SNTB1: variants seen among roughly 807,000 people sequenced by gnomAD.
The protein encoded by SNTB1 is beta-1-syntrophin.
In SNTB1, 36 loss-of-function variants were observed where a neutral mutation model predicts 48.9. The observed-to-expected ratio is 0.74, with a 90% CI of 0.56 to 0.97. SNTB1 has a LOEUF of 0.97. Ranked by LOEUF, SNTB1 falls within the 50% of genes least tolerant of loss-of-function variation. SNTB1 has a pLI of 0.00. For synonymous variants in SNTB1, 299 were observed against 294.6 expected (o/e 1.01, Z -0.15); for missense variants, 786 against 703.4 (o/e 1.12, Z -1.33).
intron 1 of SNTB1, among the ~76,000 whole-genome samples, chr8:120,706,758 G>A (rs556461672): frequency 2.0e-5 from 3 of 152,238 alleles, no homozygotes; most frequent in Admixed American, 1.3e-4. Context: ...GGTATCTCTG[G>A]AAGATAAAAC....
chr8:120,650,302 T>A (rs368305640), intron 2 of SNTB1, among the ~76,000 whole-genome samples: 1 of 152,146 alleles, frequency 6.6e-6, no homozygotes, highest in South Asian at 2.1e-4. Context: ...AATGAGCCTC[T>A]CACTGACAAC....
At chr8:120,614,976 T>TAAAAA (rs61318757) in intron 3 of SNTB1, among the ~76,000 whole-genome samples, 3,994 of 73,154 alleles carry the variant, frequency 0.055, 440 homozygotes, top group African/African-American at 0.18. Flanking sequence ...TCACCTCTAC[T>TAAAAA]AAAAAAAAAA....
At chr8:120,580,274 C>T (rs7815260) in intron 3 of SNTB1, among the ~76,000 whole-genome samples, 31,383 of 152,024 alleles carry the variant, frequency 0.21, 4,274 homozygotes, top group East Asian at 0.44. Context: ...GCAGGAAGAG[C>T]TCACAGTCTT....
chr8:120,689,281 C>G (rs1006855349), intron 2 of SNTB1, among the ~76,000 whole-genome samples: 1 of 152,168 alleles, frequency 6.6e-6, no homozygotes, highest in Non-Finnish European at 1.5e-5. Context: ...CATTGGTTCT[C>G]AGGTTTTAGC....
chr8:120,773,187 A>G (rs1819670870), intron 1 of SNTB1, among the ~76,000 whole-genome samples: 1 of 152,190 alleles, frequency 6.6e-6, no homozygotes, highest in African/African-American at 2.4e-5. Flanking sequence ...ATATGGAGGA[A>G]ATCTTCTTAG....
intron 2 of SNTB1, among the ~76,000 whole-genome samples, chr8:120,654,439 A>C (rs1817465776): frequency 6.6e-6 from 1 of 152,160 alleles, no homozygotes; most frequent in African/African-American, 2.4e-5. Context: ...TCTGTAGTTC[A>C]GCGATAAAGT....
intron 1 of SNTB1, among the ~76,000 whole-genome samples, chr8:120,803,365 T>C (rs963728687): frequency 6.6e-6 from 1 of 152,196 alleles, no homozygotes; most frequent in African/African-American, 2.4e-5. Flanking sequence ...GTCTTAAGTC[T>C]TAACTCTGCA....
intron 1 of SNTB1, among the ~76,000 whole-genome samples, chr8:120,801,328 A>G (rs1820222377): frequency 2.6e-5 from 4 of 152,052 alleles, no homozygotes; most frequent in African/African-American, 9.7e-5. Context: ...GAAACATTCC[A>G]TTCAATTTCA....
At chr8:120,571,142 A>G (rs1815835357) in intron 4 of SNTB1, 1 of 1,129,972 alleles carries the variant, frequency 8.8e-7, no homozygotes, top group Non-Finnish European at 1.1e-6. Context: ...ATGCCCAGAA[A>G]CTGTGAGAAC....
At chr8:120,683,647 T>C (rs1817977081) in intron 2 of SNTB1, among the ~76,000 whole-genome samples, 2 of 152,054 alleles carry the variant, frequency 1.3e-5, no homozygotes, top group South Asian at 2.1e-4. Context: ...AACCCATGAG[T>C]TGGGAAAATG....
chr8:120,603,606 T>C (rs1388277994), intron 3 of SNTB1, among the ~76,000 whole-genome samples: 2 of 152,148 alleles, frequency 1.3e-5, no homozygotes, highest in African/African-American at 2.4e-5. Flanking sequence ...AGTCCAGCAA[T>C]CTATGTTCCA....
intron 1 of SNTB1, among the ~76,000 whole-genome samples, chr8:120,772,412 A>C (rs1428337527): frequency 6.6e-6 from 1 of 151,140 alleles, no homozygotes; most frequent in African/African-American, 2.4e-5. Flanking sequence ...CACCCAGCTA[A>C]TTATTTCTAT....
intron 2 of SNTB1, among the ~76,000 whole-genome samples, chr8:120,641,192 T>C (rs1017473248): frequency 6.6e-6 from 1 of 152,228 alleles, no homozygotes; most frequent in Admixed American, 6.5e-5. Context: ...AAGTTCTCAC[T>C]GTTCAGTAAA....
chr8:120,658,909 G>A (rs907806728), intron 2 of SNTB1, among the ~76,000 whole-genome samples: 1 of 151,690 alleles, frequency 6.6e-6, no homozygotes, highest in African/African-American at 2.4e-5. Flanking sequence ...CAAAATTGGA[G>A]TCAATCCTCT....
intron 1 of SNTB1, among the ~76,000 whole-genome samples, chr8:120,732,690 CA>C (rs1818871599): frequency 6.6e-6 from 1 of 152,074 alleles, no homozygotes. Context: ...ATTAAACGTA[CA>C]AAAATTTAGC....
intron 1 of SNTB1, among the ~76,000 whole-genome samples, chr8:120,700,451 T>C (rs1402743140): frequency 6.6e-6 from 1 of 152,208 alleles, no homozygotes; most frequent in Non-Finnish European, 1.5e-5. Flanking sequence ...GAAACTGATT[T>C]GAAGCAGCCA....
chr8:120,545,162 G>A (rs1039493272), intron 5 of SNTB1, among the ~76,000 whole-genome samples: 1 of 152,024 alleles, frequency 6.6e-6, no homozygotes, highest in Admixed American at 6.6e-5. Flanking sequence ...TGACCAACAC[G>A]GTGAAACCCC....
intron 1 of SNTB1, among the ~76,000 whole-genome samples, chr8:120,717,230 C>A (rs1324684347): frequency 1.3e-5 from 2 of 152,316 alleles, no homozygotes; most frequent in Admixed American, 1.3e-4. Context: ...AATGGAAATG[C>A]AGCTTAATGT....
At chr8:120,780,577 C>G (rs957267517) in intron 1 of SNTB1, among the ~76,000 whole-genome samples, 4 of 152,178 alleles carry the variant, frequency 2.6e-5, no homozygotes, top group Admixed American at 6.5e-5. Flanking sequence ...CCAGAAAAAT[C>G]TGAATTGCAG....
Sources: allele counts gnomAD v4.1 joint callset (sites outside exome capture counted in the v4.1 genomes callset), GRCh38; gene constraint gnomAD v4.1.1; transcripts MANE v1.5; gene names NCBI Gene and HGNC (gene_info 2026-07-23, HGNC 2026-07-21).